The following MPPED2 variants were observed in gnomAD, a reference collection of about 807,000 sequenced individuals.
MPPED2 encodes the protein metallophosphoesterase domain containing 2.
MPPED2 carries 5 observed loss-of-function variants against 33.0 expected under a neutral mutation model. The ratio of observed to expected loss-of-function variants is 0.15; its 90% CI spans 0.08 to 0.32. The LOEUF is 0.32. Ranked by LOEUF, MPPED2 falls within the 10% of genes least tolerant of loss-of-function variation. The pLI is 1.00. For synonymous variants in MPPED2, 136 were observed against 141.9 expected (o/e 0.96, Z 0.29); for missense variants, 275 against 372.1 (o/e 0.74, Z 2.15).
At chr11:30,427,779 G>A (rs898089) in intron 4 of MPPED2, among the ~76,000 whole-genome samples, 6,962 of 152,190 alleles carry the variant, frequency 0.046, 508 homozygotes, top group African/African-American at 0.16. Flanking sequence ...GGGGGTGAAG[G>A]GAGAGGGGAA....
Position 30,496,655 on chromosome 11 carries a change from C to T in MPPED2, c.311-1134G>A, listed in dbSNP as rs79373602. 5.5e-3 allele frequency among the ~76,000 whole-genome samples: 665 copies of T among 121,830 alleles called. 5 individuals carry two copies. The highest frequency in any genetic ancestry group is 0.02 in the African/African-American group (624 of 31,806). 79.9% of individuals were successfully genotyped at this position (121,830 alleles called of 152,430 possible). On this transcript the variant is annotated intron_variant, in intron 3 of 6. Transcript: ENST00000358117. ...GTAAGAACTGGTCCTTACCAGCAAGCCAGAGTCTCAATGATTTCATTAAGG... is the reference window on the plus strand; with the variant it reads ...GTAAGAACTGGTCCTTACCAGCAAGTCAGAGTCTCAATGATTTCATTAAGG...
rs114983317 is a variant in MPPED2, at chr11:30,417,657, G to A, written c.537-24C>T. On this transcript the variant is annotated intron_variant, in intron 4 of 6. Coordinates refer to ENST00000358117, the MANE Select transcript of MPPED2 (RefSeq NM_001584.3). The stretch of plus-strand genomic sequence containing the variant: ...TCCTTTGGGGGAGATAATGCACATG[G>A]TATCAGGCCAGCAGAGCCACGGCTC... 2.0e-3 allele frequency: 2,776 copies of A among 1,407,360 alleles called. 54 individuals are homozygous for A. In the African/African-American group the frequency reaches 0.032, roughly 16 times the overall value. The allele number at this position is 1,407,360 out of a possible 1,614,324, so 87.2% of individuals were successfully genotyped here.
At chr11:30,459,608 C>T (rs1053448851) in intron 4 of MPPED2, among the ~76,000 whole-genome samples, 1 of 152,170 alleles carries the variant, frequency 6.6e-6, no homozygotes. Context: ...TTCAGTATAG[C>T]AGTTTTCAAA....
intron 3 of MPPED2, among the ~76,000 whole-genome samples, chr11:30,532,992 A>G (rs1280940122): frequency 1.3e-5 from 2 of 152,206 alleles, no homozygotes; most frequent in African/African-American, 4.8e-5. Context: ...AATACGTGCA[A>G]TATTAGCACA....
exon 7 of MPPED2, chr11:30,384,998 A>C (rs1947687530): frequency 6.6e-6 from 1 of 152,034 alleles, no homozygotes; most frequent in Admixed American, 6.6e-5. Flanking sequence ...TGTGTGTAAT[A>C]CTCCTAAAAG....
At chr11:30,577,856 T>C (rs1420456310) in intron 2 of MPPED2, among the ~76,000 whole-genome samples, 2 of 152,218 alleles carry the variant, frequency 1.3e-5, no homozygotes, top group African/African-American at 4.8e-5. Flanking sequence ...CATCAATCTA[T>C]TCTCTCTATT....
At chr11:30,545,103 G>A (rs149142334) in intron 2 of MPPED2, among the ~76,000 whole-genome samples, 11 of 152,264 alleles carry the variant, frequency 7.2e-5, no homozygotes, top group African/African-American at 1.2e-4. Context: ...GAACCTCAGG[G>A]AGTCAGACTA....
chr11:30,523,188 G>A (rs1224580778), intron 3 of MPPED2, among the ~76,000 whole-genome samples: 1 of 152,178 alleles, frequency 6.6e-6, no homozygotes, highest in East Asian at 1.9e-4. Flanking sequence ...TGAGTCCAGT[G>A]ATAGACTGGA....
chr11:30,482,612 C>CT (rs1358879449), intron 4 of MPPED2, among the ~76,000 whole-genome samples: 2 of 152,080 alleles, frequency 1.3e-5, no homozygotes, highest in Non-Finnish European at 2.9e-5. Context: ...AGACAAAAAG[C>CT]TTTTTTGGTC....
chr11:30,576,010 G>T (rs1033083004), intron 2 of MPPED2, among the ~76,000 whole-genome samples: 1 of 152,020 alleles, frequency 6.6e-6, no homozygotes, highest in Non-Finnish European at 1.5e-5. Flanking sequence ...AAATGAATTG[G>T]CAGTTTAAAA....
chr11:30,419,627 T>C (rs1948523279), intron 4 of MPPED2, among the ~76,000 whole-genome samples: 1 of 152,140 alleles, frequency 6.6e-6, no homozygotes, highest in Non-Finnish European at 1.5e-5. Context: ...ACTGATTCCA[T>C]CCCTGTTCTA....
chr11:30,412,057 G>A (rs181888471), intron 6 of MPPED2, among the ~76,000 whole-genome samples: 17 of 151,880 alleles, frequency 1.1e-4, no homozygotes, highest in Admixed American at 8.5e-4. Context: ...AAGAAATGTA[G>A]ACACTCAATT....
intron 4 of MPPED2, among the ~76,000 whole-genome samples, chr11:30,452,947 A>C (rs1042113593): frequency 6.6e-6 from 1 of 152,152 alleles, no homozygotes; most frequent in African/African-American, 2.4e-5. Flanking sequence ...GGGCCCTTCT[A>C]GCTAAGAATG....
At chr11:30,451,003 T>A (rs1461885873) in intron 4 of MPPED2, among the ~76,000 whole-genome samples, 1 of 152,194 alleles carries the variant, frequency 6.6e-6, no homozygotes, top group Non-Finnish European at 1.5e-5. Context: ...TGGGAAATAA[T>A]CTGTGAGCAC....
At position 30,513,917 on chromosome 11, in the gene MPPED2, C is replaced by G. The variant is rs192374161; in HGVS notation, c.311-18396G>C. On this transcript the variant is annotated intron_variant, in intron 3 of 6. Transcript: ENST00000358117. ...ACCCAAGCCTATCTCAGTCACTGGC[C>G]AAGCCTCACTACAGTGCTGTCTCCT... 5.6e-3 allele frequency among the ~76,000 whole-genome samples: 850 copies of G among 152,284 alleles called. 5 individuals are homozygous for G. The highest frequency in any genetic ancestry group is 9.2e-3 in the Non-Finnish European group (629 of 68,032).
At chr11:30,461,729 G>T (rs550089949) in intron 4 of MPPED2, among the ~76,000 whole-genome samples, 5 of 152,214 alleles carry the variant, frequency 3.3e-5, no homozygotes, top group Admixed American at 2.6e-4. Context: ...TGACTATGGG[G>T]GCTAAATCTT....
At chr11:30,554,331 T>C (rs1214310744) in intron 2 of MPPED2, among the ~76,000 whole-genome samples, 3 of 152,202 alleles carry the variant, frequency 2.0e-5, no homozygotes, top group Non-Finnish European at 4.4e-5. Context: ...GTAAATGGGC[T>C]TCTGCCTCTT....
intron 2 of MPPED2, among the ~76,000 whole-genome samples, chr11:30,572,135 T>C (rs767028798): frequency 6.6e-6 from 1 of 152,048 alleles, no homozygotes; most frequent in South Asian, 2.1e-4. Flanking sequence ...AGGTATAACA[T>C]AGAAGATAGG....
intron 4 of MPPED2, among the ~76,000 whole-genome samples, chr11:30,489,052 CTTTT>C (rs35619209): frequency 9.2e-5 from 13 of 141,160 alleles, no homozygotes; most frequent in Non-Finnish European, 9.1e-5. Flanking sequence ...TCTTCTTCTC[CTTTT>C]TTTTTTTTTT....
Sources: allele counts gnomAD v4.1 joint callset (sites outside exome capture counted in the v4.1 genomes callset), GRCh38; gene constraint gnomAD v4.1.1; transcripts MANE v1.5; gene names NCBI Gene and HGNC (gene_info 2026-07-23, HGNC 2026-07-21).